FAM168A: variants seen among roughly 807,000 people sequenced by gnomAD.
FAM168A encodes family with sequence similarity 168 member A.
Under a neutral mutation model 28.5 loss-of-function variants are expected in FAM168A, and 3 were observed. The ratio of observed to expected loss-of-function variants is 0.11; its 90% CI spans 0.05 to 0.27. The LOEUF (loss-of-function observed/expected upper bound fraction) is 0.27, where lower values mean the gene tolerates loss of function less well. FAM168A is among the 10% of genes least tolerant of loss of function. FAM168A has a pLI of 1.00. For synonymous variants in FAM168A, 122 were observed against 124.2 expected (o/e 0.98, Z 0.12); for missense variants, 222 against 311.5 (o/e 0.71, Z 2.16).
chr11:73,443,179 G>A, intron 2 of FAM168A, among the ~76,000 whole-genome samples: 1 of 151,466 alleles, frequency 6.6e-6, no homozygotes, highest in Non-Finnish European at 1.5e-5. Context: ...TTGTAGGCTG[G>A]AAAGCCAAAA....
intron 1 of FAM168A, among the ~76,000 whole-genome samples, chr11:73,588,345 G>A (rs1407365068): frequency 6.6e-6 from 1 of 152,140 alleles, no homozygotes; most frequent in Non-Finnish European, 1.5e-5. Flanking sequence ...TGTCTGATGA[G>A]ATGAGTGGTG....
intron 2 of FAM168A, among the ~76,000 whole-genome samples, chr11:73,445,419 C>CTCTTTTTT (rs776745757): frequency 7.9e-5 from 4 of 50,432 alleles, no homozygotes; most frequent in African/African-American, 2.9e-4. Context: ...AAAAATGTCT[C>CTCTTTTTT]TTTTTTTTTT....
intron 2 of FAM168A, among the ~76,000 whole-genome samples, chr11:73,453,747 C>T (rs11822862): frequency 0.03 from 4,502 of 152,236 alleles, 219 homozygotes; most frequent in African/African-American, 0.1. Context: ...CAAGAACAGG[C>T]TCTCCCCACT....
chr11:73,507,331 A>G (rs1349191696), intron 1 of FAM168A, among the ~76,000 whole-genome samples: 2 of 152,228 alleles, frequency 1.3e-5, no homozygotes, highest in African/African-American at 4.8e-5. Flanking sequence ...AACAATGTGA[A>G]GTGGTTCATC....
chr11:73,505,184 A>G (rs922729984), intron 1 of FAM168A, among the ~76,000 whole-genome samples: 5 of 151,384 alleles, frequency 3.3e-5, no homozygotes, highest in African/African-American at 9.8e-5. Flanking sequence ...CATTTTGCCA[A>G]TAACATTCTG....
chr11:73,427,261 G>A (rs187599852), intron 3 of FAM168A, among the ~76,000 whole-genome samples: 1,793 of 151,782 alleles, frequency 0.012, 23 homozygotes, highest in Non-Finnish European at 0.019. Context: ...AAAGTGCTGA[G>A]ATTACAGGTG....
intron 1 of FAM168A, among the ~76,000 whole-genome samples, chr11:73,571,757 G>A (rs915574625): frequency 1.3e-5 from 2 of 149,840 alleles, no homozygotes; most frequent in Admixed American, 1.3e-4. Context: ...TCTGGAAAGT[G>A]AGGAGCATCT....
intron 1 of FAM168A, among the ~76,000 whole-genome samples, chr11:73,489,505 C>T (rs962950944): frequency 6.7e-6 from 1 of 150,324 alleles, no homozygotes; most frequent in African/African-American, 2.5e-5. Context: ...ACACCCCATC[C>T]CCCACTTTTT....
chr11:73,515,242 G>A (rs889245725), intron 1 of FAM168A, among the ~76,000 whole-genome samples: 3 of 152,138 alleles, frequency 2.0e-5, no homozygotes, highest in Non-Finnish European at 4.4e-5. Flanking sequence ...AGGCACAGTG[G>A]CTCACGCCTG....
chr11:73,575,979 A>G (rs984366783), intron 1 of FAM168A, among the ~76,000 whole-genome samples: 1 of 152,376 alleles, frequency 6.6e-6, no homozygotes, highest in Non-Finnish European at 1.5e-5. Flanking sequence ...AAACATGCAC[A>G]TGAAAATTTA....
intron 1 of FAM168A, among the ~76,000 whole-genome samples, chr11:73,566,589 T>C (rs1944022107): frequency 6.6e-6 from 1 of 152,164 alleles, no homozygotes; most frequent in African/African-American, 2.4e-5. Context: ...CCTCCAAATT[T>C]GGTGTTGGGA....
chr11:73,495,323 C>T (rs565234645), intron 1 of FAM168A, among the ~76,000 whole-genome samples: 50 of 152,156 alleles, frequency 3.3e-4, no homozygotes, highest in Middle Eastern at 3.4e-3. Context: ...AGCGAGACTC[C>T]GTCTCAAAAT....
intron 2 of FAM168A, among the ~76,000 whole-genome samples, chr11:73,437,296 T>A (rs1000104570): frequency 6.6e-6 from 1 of 151,512 alleles, no homozygotes; most frequent in African/African-American, 2.4e-5. Context: ...TGGGGTTTCA[T>A]CATGTTGGCC....
chr11:73,511,132 T>C (rs1855215692), intron 1 of FAM168A, among the ~76,000 whole-genome samples: 1 of 150,320 alleles, frequency 6.7e-6, no homozygotes, highest in Non-Finnish European at 1.5e-5. Context: ...CAGAGCCCAT[T>C]CAGCCCAGAG....
intron 1 of FAM168A, among the ~76,000 whole-genome samples, chr11:73,529,502 T>G (rs1943489701): frequency 6.6e-6 from 1 of 152,238 alleles, no homozygotes; most frequent in Non-Finnish European, 1.5e-5. Flanking sequence ...AGATTTCAGA[T>G]GGTCACCCTT....
intron 1 of FAM168A, among the ~76,000 whole-genome samples, chr11:73,485,584 C>T (rs1450217417): frequency 6.6e-6 from 1 of 152,088 alleles, no homozygotes; most frequent in African/African-American, 2.4e-5. Context: ...CTAAATTTAC[C>T]CCAGCTTTTT....
At chr11:73,596,539 G>A (rs987597670) in intron 1 of FAM168A, among the ~76,000 whole-genome samples, 2 of 151,900 alleles carry the variant, frequency 1.3e-5, no homozygotes, top group African/African-American at 2.4e-5. Context: ...AACATCACCC[G>A]AACAGATTAA....
intron 1 of FAM168A, among the ~76,000 whole-genome samples, chr11:73,535,225 T>C (rs972621410): frequency 2.0e-5 from 3 of 151,900 alleles, no homozygotes; most frequent in African/African-American, 4.8e-5. Context: ...TTACTACTAG[T>C]AGAGTCCCCT....
At position 73,579,154 on chromosome 11, in the gene FAM168A, C is replaced by T. The variant is rs568879079; in HGVS notation, c.-19+18769G>A. Among the ~76,000 whole-genome samples the T allele has an allele frequency of 2.2e-3, 335 of 152,300 alleles. 2 individuals carry two copies. The highest frequency in any genetic ancestry group is 4.2e-3 in the Non-Finnish European group (283 of 68,012). ...GAGCTCCATCCTAATGACCTAATTA[C>T]TTCCCAAAAATCCCACCCCAAACAT... On this transcript the variant is annotated intron_variant, in intron 1 of 7. Transcript: ENST00000356467.
Sources: allele counts gnomAD v4.1 joint callset (sites outside exome capture counted in the v4.1 genomes callset), GRCh38; gene constraint gnomAD v4.1.1; transcripts MANE v1.5; gene names NCBI Gene and HGNC (gene_info 2026-07-23, HGNC 2026-07-21).